SLC16A7: variants seen among roughly 807,000 people sequenced by gnomAD.
The protein encoded by SLC16A7 is solute carrier family 16 member 7, also known as monocarboxylate transporter 2.
Under a neutral mutation model 34.9 loss-of-function variants are expected in SLC16A7, and 33 were observed. That is an observed-to-expected ratio of 0.94 (90% CI 0.72 to 1.26). The LOEUF is 1.26. SLC16A7 is among the 50% of genes most tolerant of loss of function. The probability of loss-of-function intolerance (pLI) is 0.00; values close to 1 mark genes in which losing one functional copy is unlikely to be tolerated. For missense variants in SLC16A7, 573 were observed against 578.1 expected (o/e 0.99, Z 0.09); for synonymous variants, 201 against 206.6 (o/e 0.97, Z 0.23).
intron 1 of SLC16A7, among the ~76,000 whole-genome samples, chr12:59,651,618 T>C (rs1050597502): frequency 6.6e-6 from 1 of 152,152 alleles, no homozygotes; most frequent in African/African-American, 2.4e-5. Context: ...CTTTTGGACA[T>C]CTAAGAGTAT....
intron 1 of SLC16A7, among the ~76,000 whole-genome samples, chr12:59,605,530 G>A (rs1224968330): frequency 6.6e-6 from 1 of 152,196 alleles, no homozygotes; most frequent in Non-Finnish European, 1.5e-5. Context: ...TAAAGCCTCT[G>A]ACATATTTTA....
chr12:59,674,005 A>G (rs536374895), intron 2 of SLC16A7, among the ~76,000 whole-genome samples: 190 of 150,912 alleles, frequency 1.3e-3, no homozygotes, highest in South Asian at 2.7e-3. Context: ...TGCCTTATAC[A>G]ATAGTTATTA....
At position 59,773,530 on chromosome 12, in the gene SLC16A7, A is replaced by C. The variant is rs186310473; in HGVS notation, c.362-1127A>C. Among the ~76,000 whole-genome samples, 174 of 152,188 alleles carry C rather than the reference A, an allele frequency of 1.1e-3. 2 individuals carry two copies. The highest frequency in any genetic ancestry group is 4.1e-3 in the African/African-American group (170 of 41,534). On this transcript the variant is annotated intron_variant, in intron 4 of 5. Coordinates refer to ENST00000547379, the MANE Select transcript of SLC16A7 (RefSeq NM_001270623.2). ...AATTCCTAGTTTAAGGGAAAACAAG[A>C]GATAGTTTATATAAGCCCAATTTTA...
chr12:59,728,442 A>G (rs542111034), intron 3 of SLC16A7, among the ~76,000 whole-genome samples: 18 of 152,352 alleles, frequency 1.2e-4, no homozygotes, highest in African/African-American at 4.3e-4. Flanking sequence ...AATGATCAAT[A>G]TGAGTTTGCC....
At chr12:59,751,590 A>C (rs1414910226) in intron 3 of SLC16A7, among the ~76,000 whole-genome samples, 1 of 152,194 alleles carries the variant, frequency 6.6e-6, no homozygotes, top group Non-Finnish European at 1.5e-5. Context: ...TAGGTAAACA[A>C]AGCAGCCAGG....
chr12:59,624,495 T>C (rs1879834149), intron 1 of SLC16A7, among the ~76,000 whole-genome samples: 1 of 151,786 alleles, frequency 6.6e-6, no homozygotes, highest in African/African-American at 2.4e-5. Flanking sequence ...GGGAATTATT[T>C]GAAACTTGGA....
At chr12:59,656,335 A>C (rs1220608386) in intron 2 of SLC16A7, among the ~76,000 whole-genome samples, 1 of 152,000 alleles carries the variant, frequency 6.6e-6, no homozygotes, top group Non-Finnish European at 1.5e-5. Context: ...TGACTTTGAA[A>C]TTATCCTTGA....
chr12:59,656,201 T>C (rs763421112), intron 2 of SLC16A7, among the ~76,000 whole-genome samples: 48 of 152,126 alleles, frequency 3.2e-4, no homozygotes, highest in South Asian at 2.7e-3. Flanking sequence ...CAAATCTTGG[T>C]ATATCTATGT....
intron 2 of SLC16A7, among the ~76,000 whole-genome samples, chr12:59,698,787 T>G (rs1359533519): frequency 2.6e-5 from 4 of 151,758 alleles, no homozygotes; most frequent in African/African-American, 9.7e-5. Flanking sequence ...ATGCTCTTTA[T>G]AGGCCAGAGG....
intron 2 of SLC16A7, among the ~76,000 whole-genome samples, chr12:59,701,651 A>G (rs1565657932): frequency 6.6e-6 from 1 of 151,752 alleles, no homozygotes; most frequent in Non-Finnish European, 1.5e-5. Flanking sequence ...GTTGACACCT[A>G]TTTATTGTGT....
intron 1 of SLC16A7, among the ~76,000 whole-genome samples, chr12:59,606,995 A>G (rs1404150917): frequency 2.6e-5 from 4 of 152,334 alleles, no homozygotes; most frequent in Non-Finnish European, 2.9e-5. Context: ...CCCTTGGGCC[A>G]AATCCAGACC....
chr12:59,775,091 A>G lies in SLC16A7; in HGVS notation c.796A>G (p.Ile266Val). 1.2e-6 allele frequency: 2 copies of G among 1,614,106 alleles called. No individual in the cohort carries two copies. Among genetic ancestry groups the G allele is most frequent in the African/African-American group, 2.7e-5 (2 of 75,042 alleles). ...IMFLGFFAPI[I>V]FLAPYAKDQG... ...GTTCCTAGGTTTTTTTGCCCCCATT[A>G]TATTCTTGGCTCCATATGCTAAAGA... Residue 266 changes from isoleucine (I) to valine (V), a missense_variant, in exon 5 of 6, where the codon ATA becomes GTA. Coordinates refer to ENST00000547379, the MANE Select transcript of SLC16A7 (RefSeq NM_001270623.2).
intron 1 of SLC16A7, among the ~76,000 whole-genome samples, chr12:59,643,489 A>G (rs1176795513): frequency 6.6e-6 from 1 of 152,168 alleles, no homozygotes; most frequent in Non-Finnish European, 1.5e-5. Context: ...ACATATCCAT[A>G]TATCATCATG....
chr12:59,601,212 A>G (rs1878667404), intron 1 of SLC16A7, among the ~76,000 whole-genome samples: 1 of 152,216 alleles, frequency 6.6e-6, no homozygotes, highest in African/African-American at 2.4e-5. Flanking sequence ...ATGTATCATT[A>G]TTAATTAGTC....
chr12:59,679,255 G>T (rs750790032), intron 2 of SLC16A7, among the ~76,000 whole-genome samples: 2 of 152,146 alleles, frequency 1.3e-5, no homozygotes, highest in Non-Finnish European at 2.9e-5. Flanking sequence ...TGCTCCCAGG[G>T]AGTGCAAGAC....
chr12:59,741,074 A>G (rs1235583063), intron 3 of SLC16A7, among the ~76,000 whole-genome samples: 1 of 152,180 alleles, frequency 6.6e-6, no homozygotes. Flanking sequence ...ATACAAAGAA[A>G]TGGAAGAACA....
intron 2 of SLC16A7, among the ~76,000 whole-genome samples, chr12:59,702,888 G>A (rs974483161): frequency 5.9e-5 from 9 of 151,834 alleles, no homozygotes; most frequent in Non-Finnish European, 1.0e-4. Context: ...AGTGATTAGT[G>A]AAATCCAGTC....
chr12:59,615,536 C>G (rs557861690), intron 1 of SLC16A7, among the ~76,000 whole-genome samples: 1 of 152,132 alleles, frequency 6.6e-6, no homozygotes, highest in Admixed American at 6.5e-5. Context: ...ATGGAGAGGC[C>G]TATGTGTCAA....
intron 3 of SLC16A7, among the ~76,000 whole-genome samples, chr12:59,760,843 A>G (rs1444494780): frequency 6.6e-6 from 1 of 152,046 alleles, no homozygotes; most frequent in Non-Finnish European, 1.5e-5. Flanking sequence ...ATATTTTTGG[A>G]CCTTTGTTGA....
Sources: allele counts gnomAD v4.1 joint callset (sites outside exome capture counted in the v4.1 genomes callset), GRCh38; gene constraint gnomAD v4.1.1; transcripts MANE v1.5; gene names NCBI Gene and HGNC (gene_info 2026-07-23, HGNC 2026-07-21).